GLRA1: variants seen among roughly 807,000 people sequenced by gnomAD.
GLRA1 encodes glycine receptor subunit alpha-1.
GLRA1 carries 37 observed loss-of-function variants against 48.3 expected under a neutral mutation model. The observed-to-expected ratio is 0.77, with a 90% CI of 0.59 to 1.01. The LOEUF (loss-of-function observed/expected upper bound fraction) is 1.01. Among genes scored for constraint, GLRA1 ranks in the 50% least tolerant of loss-of-function variants. The pLI, the probability that GLRA1 is intolerant of heterozygous loss-of-function variation, is 0.00. For synonymous variants in GLRA1, 196 were observed against 210.7 expected, an observed-to-expected ratio of 0.93 and a Z score of 0.60; for missense variants, 427 against 571.0, an observed-to-expected ratio of 0.75 and a Z score of 2.57.
At chr5:151,862,411 A>G (rs1195515578) in intron 3 of GLRA1, among the ~76,000 whole-genome samples, 1 of 152,264 alleles carries the variant, frequency 6.6e-6, no homozygotes, top group African/African-American at 2.4e-5. Flanking sequence ...CAATGGCAAC[A>G]AAATTGACAA....
At chr5:151,901,494 T>A (rs1014121259) in intron 1 of GLRA1, among the ~76,000 whole-genome samples, 1 of 152,228 alleles carries the variant, frequency 6.6e-6, no homozygotes, top group African/African-American at 2.4e-5. Flanking sequence ...CCCTACATAA[T>A]CAGCATGCAT....
intron 7 of GLRA1, among the ~76,000 whole-genome samples, chr5:151,837,958 T>C (rs902675577): frequency 9.2e-5 from 14 of 152,114 alleles, no homozygotes; most frequent in Admixed American, 8.5e-4. Context: ...TTAAATAAAA[T>C]GTCCATTTTT....
At chr5:151,850,604 G>A (rs1752874440) in intron 7 of GLRA1, 2 of 1,474,770 alleles carry the variant, frequency 1.4e-6, no homozygotes, top group Non-Finnish European at 1.9e-6. Context: ...CAACATCAAC[G>A]ACTTTTCTGC....
chr5:151,904,328 T>G (rs1003099497), intron 1 of GLRA1, among the ~76,000 whole-genome samples: 2 of 152,156 alleles, frequency 1.3e-5, no homozygotes, highest in African/African-American at 4.8e-5. Context: ...TCCCACTGCT[T>G]TCTGCTGCTT....
chr5:151,828,080 A>G (rs1285638265), intron 8 of GLRA1, among the ~76,000 whole-genome samples: 1 of 152,190 alleles, frequency 6.6e-6, no homozygotes, highest in African/African-American at 2.4e-5. Flanking sequence ...AAAAAATCAC[A>G]TCATTGAATT....
At chr5:151,860,740 A>C (rs1002054775) in intron 3 of GLRA1, among the ~76,000 whole-genome samples, 1 of 151,690 alleles carries the variant, frequency 6.6e-6, no homozygotes, top group African/African-American at 2.4e-5. Flanking sequence ...TTTTTTATTT[A>C]TTATACTTTA....
intron 3 of GLRA1, among the ~76,000 whole-genome samples, chr5:151,881,090 T>C (rs1019387741): frequency 1.8e-4 from 27 of 152,346 alleles, no homozygotes; most frequent in African/African-American, 6.5e-4. Flanking sequence ...GCATCACATA[T>C]ACACATGCCT....
At chr5:151,901,899 A>G (rs549534299) in intron 1 of GLRA1, among the ~76,000 whole-genome samples, 2 of 152,310 alleles carry the variant, frequency 1.3e-5, no homozygotes, top group Admixed American at 1.3e-4. Context: ...ACCTGAGGTT[A>G]TGCAGTTTGT....
chr5:151,874,319 A>G (rs1332114130), intron 3 of GLRA1, among the ~76,000 whole-genome samples: 2 of 152,236 alleles, frequency 1.3e-5, no homozygotes, highest in Non-Finnish European at 2.9e-5. Flanking sequence ...GACGGGTTCA[A>G]TGGAAACCCA....
At chr5:151,899,014 A>G (rs1168196083) in intron 1 of GLRA1, among the ~76,000 whole-genome samples, 1 of 152,188 alleles carries the variant, frequency 6.6e-6, no homozygotes, top group Non-Finnish European at 1.5e-5. Context: ...AACCAAAAGA[A>G]GAGTTTAGTG....
At chr5:151,858,519 C>T (rs1753107212) in intron 4 of GLRA1, among the ~76,000 whole-genome samples, 1 of 152,214 alleles carries the variant, frequency 6.6e-6, no homozygotes, top group Non-Finnish European at 1.5e-5. Context: ...CCAGCTGGGC[C>T]TGGATGGCCA....
Position 151,849,157 on chromosome 5 carries a change from CTTTTCT to C in GLRA1, c.912+2227_912+2232del, listed in dbSNP as rs1561554485. ...CTTTCTTTCTTTCTTTCTTTCTTTT[CTTTTCT>C]TTTCTTTCTTTCTTTCTTTCTTTCT... On this transcript the variant is annotated intron_variant, in intron 7 of 8. Coordinates refer to ENST00000274576, the MANE Select transcript of GLRA1 (RefSeq NM_000171.4). The C allele has an allele frequency of 2.3e-3, 189 of 82,778 alleles. 4 individuals are homozygous for C. The highest frequency in any genetic ancestry group is 0.011 in the African/African-American group (166 of 14,774). The allele number at this position is 82,778 out of a possible 1,614,324, so 5.1% of individuals were successfully genotyped here.
intron 8 of GLRA1, 74 bp from the exon 9 acceptor site, chr5:151,823,037 T>C (rs1334424411): frequency 2.2e-6 from 3 of 1,346,340 alleles, no homozygotes; most frequent in Middle Eastern, 2.0e-4. Context: ...AGGCACTCCC[T>C]TGGGGGCCAG....
Position 151,874,876 on chromosome 5 carries a change from C to T in GLRA1, c.252+11845G>A, listed in dbSNP as rs569272961. Among the ~76,000 whole-genome samples, 26 of 151,918 alleles carry T rather than the reference C, an allele frequency of 1.7e-4. 1 individual carries two copies. The South Asian group carries it at 4.6e-3, about 27-fold the overall frequency. The stretch of plus-strand genomic sequence containing the variant: ...TTGGAAGTAGGATAATTCTGTGATC[C>T]GATTTGCAGTTTAAAATGATCCTTC... On this transcript the variant is annotated intron_variant, in intron 3 of 8. Transcript: ENST00000274576.
intron 1 of GLRA1, among the ~76,000 whole-genome samples, chr5:151,921,172 A>T (rs774155458): frequency 6.6e-6 from 1 of 152,178 alleles, no homozygotes; most frequent in African/African-American, 2.4e-5. Flanking sequence ...CAGGGATTAG[A>T]TCTGGTTTAT....
chr5:151,848,789 A>C (rs1752752398), intron 7 of GLRA1: 2 of 370,210 alleles, frequency 5.4e-6, no homozygotes, highest in East Asian at 1.2e-4. Context: ...TGTGAGCAGC[A>C]CGGCGGTCTC....
chr5:151,836,543 C>G (rs1222768230), intron 7 of GLRA1, among the ~76,000 whole-genome samples: 1 of 152,162 alleles, frequency 6.6e-6, no homozygotes, highest in East Asian at 1.9e-4. Flanking sequence ...ATCACACTAC[C>G]CAACTTCAAG....
At chr5:151,921,691 G>A (rs1754878275) in intron 1 of GLRA1, among the ~76,000 whole-genome samples, 1 of 152,142 alleles carries the variant, frequency 6.6e-6, no homozygotes, top group East Asian at 1.9e-4. Context: ...TGAAAGAAAC[G>A]TGCTTCTACC....
rs6870491 is a variant in GLRA1, at chr5:151,859,745, T to C, written c.476+40A>G. On this transcript the variant is annotated intron_variant, in intron 4 of 8. Transcript: ENST00000274576. ...GCCCAGAAGGTAGTGGGGCAAGACA[T>C]GTTCTGAGCAGGGAGTGGGTGAACC... The C allele has an allele frequency of 0.42, 579,670 of 1,392,670 alleles. 123,119 individuals are homozygous for C. The highest frequency in any genetic ancestry group is 0.56 in the African/African-American group (39,666 of 70,648). The allele number at this position is 1,392,670 out of a possible 1,614,324, so 86.3% of individuals were successfully genotyped here.
Sources: gnomAD v4.1 joint callset for allele counts (sites outside exome capture counted in the v4.1 genomes callset) on GRCh38, gnomAD v4.1.1 for gene constraint, MANE v1.5 for transcripts, NCBI Gene and HGNC (gene_info 2026-07-23, HGNC 2026-07-21) for gene names.